The following NLGN1 variants were observed in gnomAD, a reference collection of about 807,000 sequenced individuals.
NLGN1 encodes the protein neuroligin 1, also known as neuroligin-1.
In NLGN1, 12 loss-of-function variants were observed where a neutral mutation model predicts 65.5. The ratio of observed to expected loss-of-function variants is 0.18; its 90% CI spans 0.12 to 0.30. The LOEUF is 0.30. Among genes scored for constraint, NLGN1 ranks in the 10% least tolerant of loss-of-function variants. NLGN1 has a pLI of 1.00. For synonymous variants in NLGN1, 350 were observed against 359.5 expected (o/e 0.97, Z 0.30); for missense variants, 750 against 1,007.1 (o/e 0.74, Z 3.46).
chr3:173,587,906 T>A (rs1231947476), intron 2 of NLGN1, among the ~76,000 whole-genome samples: 1 of 152,124 alleles, frequency 6.6e-6, no homozygotes, highest in Non-Finnish European at 1.5e-5. Context: ...ATTCTTTCTA[T>A]GATTTTGAGA....
chr3:174,059,749 A>G (rs1736992539), intron 4 of NLGN1, among the ~76,000 whole-genome samples: 1 of 152,162 alleles, frequency 6.6e-6, no homozygotes, highest in South Asian at 2.1e-4. Flanking sequence ...ATAACTCCAC[A>G]AGTTAAATGC....
At chr3:173,979,360 A>G (rs1489128399) in intron 4 of NLGN1, among the ~76,000 whole-genome samples, 4 of 152,160 alleles carry the variant, frequency 2.6e-5, no homozygotes, top group Non-Finnish European at 4.4e-5. Flanking sequence ...GGGAAATATT[A>G]AAGATACATA....
chr3:173,769,768 C>T (rs1050433126), intron 3 of NLGN1, among the ~76,000 whole-genome samples: 2 of 152,104 alleles, frequency 1.3e-5, no homozygotes, highest in Non-Finnish European at 2.9e-5. Context: ...AATTCATATG[C>T]CAGTGAATAA....
rs71162356 is a variant in NLGN1 at position 173,734,381 on chromosome 3, A to ATTTTTTTTTTTTT, written c.494-73279_494-73267dup. 4.4e-3 allele frequency among the ~76,000 whole-genome samples: 176 copies of ATTTTTTTTTTTTT among 40,080 alleles called. 12 individuals are homozygous for ATTTTTTTTTTTTT. Among genetic ancestry groups the ATTTTTTTTTTTTT allele is most frequent in the South Asian group, 0.011 (5 of 452 alleles). 26.3% of individuals were successfully genotyped at this position (40,080 alleles called of 152,430 possible). ...ATAATTAGATTCTGTGGATAATTCTATTTTTTTTTTTTTTTTTTTTTTTTT... is the reference window on the plus strand; with the variant it reads ...ATAATTAGATTCTGTGGATAATTCTATTTTTTTTTTTTTTTTTTTTTTTTTTTTTTTTTTTTTT... On this transcript the variant is annotated intron_variant, in intron 3 of 6. Transcript: ENST00000457714.
At chr3:173,516,072 A>G (rs148279906) in intron 2 of NLGN1, among the ~76,000 whole-genome samples, 2 of 152,124 alleles carry the variant, frequency 1.3e-5, no homozygotes, top group Non-Finnish European at 2.9e-5. Flanking sequence ...GCTACCTTCA[A>G]TTTAGTTTTC....
intron 2 of NLGN1, among the ~76,000 whole-genome samples, chr3:173,507,465 T>G (rs1001306445): frequency 1.3e-5 from 2 of 152,128 alleles, no homozygotes; most frequent in Admixed American, 6.6e-5. Flanking sequence ...TAGGAGAAAA[T>G]ATATTTGAAT....
intron 4 of NLGN1, among the ~76,000 whole-genome samples, chr3:173,983,534 A>G (rs919821102): frequency 6.6e-6 from 1 of 152,080 alleles, no homozygotes; most frequent in Non-Finnish European, 1.5e-5. Context: ...CTGAATCACA[A>G]TCTCTGGGGC....
At chr3:173,751,517 A>G (rs562102237) in intron 3 of NLGN1, among the ~76,000 whole-genome samples, 9 of 152,198 alleles carry the variant, frequency 5.9e-5, no homozygotes, top group Admixed American at 1.3e-4. Flanking sequence ...TGGTGGATCT[A>G]TTTACCCAAC....
intron 2 of NLGN1, among the ~76,000 whole-genome samples, chr3:173,487,515 G>T (rs547414978): frequency 5.0e-4 from 76 of 151,758 alleles, no homozygotes; most frequent in Non-Finnish European, 9.6e-4. Context: ...CCATGTCTTA[G>T]TATTGCTTTC....
intron 4 of NLGN1, among the ~76,000 whole-genome samples, chr3:173,834,930 C>T (rs1184731097): frequency 1.3e-5 from 2 of 152,168 alleles, no homozygotes; most frequent in African/African-American, 2.4e-5. Context: ...GTAATCTCTA[C>T]GCTTTTCATC....
Position 174,049,565 on chromosome 3 carries a change from A to G in NLGN1, c.647-225750A>G, listed in dbSNP as rs77363775. 6.0e-3 allele frequency among the ~76,000 whole-genome samples: 906 copies of G among 152,196 alleles called. 6 individuals are homozygous for G. Among genetic ancestry groups the G allele is most frequent in the Middle Eastern group, 0.048 (14 of 292 alleles). On this transcript the variant is annotated intron_variant, in intron 4 of 6. Coordinates refer to ENST00000457714, the Ensembl canonical transcript of NLGN1. Reference sequence around the variant, plus strand: ...TGAATGTCAGTGTGTAACTACTGGCAAATAATAGTGGACCCTAAGGCTAAT... The same window carrying G: ...TGAATGTCAGTGTGTAACTACTGGCGAATAATAGTGGACCCTAAGGCTAAT...
At chr3:173,788,999 C>G (rs1191130516) in intron 3 of NLGN1, among the ~76,000 whole-genome samples, 1 of 151,874 alleles carries the variant, frequency 6.6e-6, no homozygotes, top group African/African-American at 2.4e-5. Flanking sequence ...AGTTCCAGAC[C>G]AACCTGGCCA....
At chr3:174,267,443 T>C (rs1359386565) in intron 4 of NLGN1, among the ~76,000 whole-genome samples, 2 of 152,170 alleles carry the variant, frequency 1.3e-5, no homozygotes, top group Non-Finnish European at 2.9e-5. Context: ...CAAACTATAC[T>C]AACATCCTGG....
At chr3:174,281,203 T>C in exon 7 of NLGN1, 2 of 1,613,222 alleles carry the variant, frequency 1.2e-6, no homozygotes, top group South Asian at 1.1e-5. Flanking sequence ...ATACCAGGGA[T>C]TCAGCCCTTA....
chr3:173,697,816 C>G (rs984750703), intron 3 of NLGN1, among the ~76,000 whole-genome samples: 1 of 152,070 alleles, frequency 6.6e-6, no homozygotes, highest in Non-Finnish European at 1.5e-5. Context: ...AGGCGTGAGC[C>G]ACTGCATCTG....
At chr3:174,146,414 T>C (rs9873325) in intron 4 of NLGN1, among the ~76,000 whole-genome samples, 27,360 of 152,050 alleles carry the variant, frequency 0.18, 4,924 homozygotes, top group African/African-American at 0.46. Flanking sequence ...TAAGATAAAG[T>C]ATATAATCAG....
At chr3:173,499,306 T>C (rs952784835) in intron 2 of NLGN1, among the ~76,000 whole-genome samples, 5 of 151,848 alleles carry the variant, frequency 3.3e-5, no homozygotes, top group Admixed American at 6.6e-5. Flanking sequence ...ATTTATTAAA[T>C]AGGGAATCCT....
At chr3:173,828,720 G>A (rs963172477) in intron 4 of NLGN1, among the ~76,000 whole-genome samples, 2 of 152,030 alleles carry the variant, frequency 1.3e-5, no homozygotes, top group Admixed American at 6.6e-5. Context: ...GAGTAAAGAC[G>A]TGATTGATGT....
intron 4 of NLGN1, among the ~76,000 whole-genome samples, chr3:174,165,773 T>C (rs1727371090): frequency 6.6e-6 from 1 of 152,066 alleles, no homozygotes; most frequent in African/African-American, 2.4e-5. Context: ...GTAGAATTGG[T>C]ACAGGCTCTT....
Sources: gnomAD v4.1 joint callset for allele counts (sites outside exome capture counted in the v4.1 genomes callset) on GRCh38, gnomAD v4.1.1 for gene constraint, MANE v1.5 for transcripts, NCBI Gene and HGNC (gene_info 2026-07-23, HGNC 2026-07-21) for gene names.